The following CLMN variants were observed in gnomAD, a reference collection of about 807,000 sequenced individuals.
CLMN encodes calmin (calponin-like, transmembrane).
Under a neutral mutation model 92.7 loss-of-function variants are expected in CLMN, and 57 were observed. The observed-to-expected ratio is 0.61, with a 90% CI of 0.50 to 0.77. The LOEUF (loss-of-function observed/expected upper bound fraction) is 0.77, where lower values mean the gene tolerates loss of function less well. Among genes scored for constraint, CLMN ranks in the 30% least tolerant of loss-of-function variants. The pLI is 0.00. For missense variants in CLMN, 1,158 were observed against 1,237.5 expected (o/e 0.94, Z 0.96); for synonymous variants, 466 against 470.6 (o/e 0.99, Z 0.13).
intron 1 of CLMN, among the ~76,000 whole-genome samples, chr14:95,233,287 G>A (rs1897945972): frequency 6.6e-6 from 1 of 152,016 alleles, no homozygotes; most frequent in Non-Finnish European, 1.5e-5. Context: ...GTATCTGACA[G>A]TCTACACATA....
At position 95,189,527 on chromosome 14, in the gene CLMN, G is replaced by A. The variant is rs897517542; in HGVS notation, c.*2037C>T. ...CAAATGACTTTCAGGCATCTTGCCA[G>A]TAGATGTTTTAAACAATATTACAAG... On this transcript the variant is annotated 3_prime_UTR_variant, in exon 13 of 13. Coordinates refer to ENST00000298912, the MANE Select transcript of CLMN (RefSeq NM_024734.4). The A allele has an allele frequency of 6.6e-6, 1 of 152,142 alleles. No individual in the cohort carries two copies. The highest frequency in any genetic ancestry group is 1.5e-5 in the Non-Finnish European group (1 of 68,028). The allele number at this position is 152,142 out of a possible 1,614,324, so 9.4% of individuals were successfully genotyped here.
At chr14:95,258,282 TGTGTG>T (rs568587224) in intron 1 of CLMN, among the ~76,000 whole-genome samples, 16 of 151,004 alleles carry the variant, frequency 1.1e-4, no homozygotes, top group Middle Eastern at 3.4e-3. Flanking sequence ...TGGGGGCGTG[TGTGTG>T]GTGTGTGTGT....
chr14:95,213,071 G>GCCA, intron 6 of CLMN, 148 bp downstream of exon 6: 1 of 819,430 alleles, frequency 1.2e-6, no homozygotes, highest in Non-Finnish European at 1.8e-6. Flanking sequence ...ACAGGCATGA[G>GCCA]CCACCGCGCC....
At chr14:95,283,124 C>G (rs1900202440) in intron 1 of CLMN, among the ~76,000 whole-genome samples, 1 of 152,144 alleles carries the variant, frequency 6.6e-6, no homozygotes, top group South Asian at 2.1e-4. Context: ...TGAGAGGGAC[C>G]CAGTGGGAGG....
rs1386494336 is a variant in CLMN at position 95,308,325 on chromosome 14, T to G, written c.82+11386A>C. Among the ~76,000 whole-genome samples the G allele has an allele frequency of 3.3e-5, 5 of 152,332 alleles. No individual in the cohort carries two copies. In the East Asian group the frequency reaches 9.6e-4, roughly 29 times the overall value. ...GACATCTTGCCCAACATCCTTTAGCTGGGATCCAGTTTTCTTTCTGGGTTC... is the reference window on the plus strand; with the variant it reads ...GACATCTTGCCCAACATCCTTTAGCGGGGATCCAGTTTTCTTTCTGGGTTC... On this transcript the variant is annotated intron_variant, in intron 1 of 12. Coordinates refer to ENST00000298912, the MANE Select transcript of CLMN (RefSeq NM_024734.4).
chr14:95,312,639 A>G (rs1421183608), intron 1 of CLMN, among the ~76,000 whole-genome samples: 2 of 152,160 alleles, frequency 1.3e-5, no homozygotes, highest in Non-Finnish European at 2.9e-5. Context: ...CCAGCCTTCC[A>G]GGCCCCTATA....
chr14:95,196,721 G>C, intron 9 of CLMN, 27 bp from the exon 10 acceptor site: 1 of 1,604,870 alleles, frequency 6.2e-7, no homozygotes, highest in East Asian at 2.2e-5. Context: ...CCAAATCCAA[G>C]TCAGTATGTC....
intron 1 of CLMN, among the ~76,000 whole-genome samples, chr14:95,305,114 C>T (rs1428394714): frequency 6.6e-6 from 1 of 152,226 alleles, no homozygotes; most frequent in African/African-American, 2.4e-5. Context: ...GTCCATCACA[C>T]CCAGTGTGCG....
In CLMN at chr14:95,191,917, C is replaced by G. The variant is rs1428610556; in HGVS notation, c.2841-185G>C. The G allele has an allele frequency of 7.9e-6, 4 of 507,818 alleles. No homozygotes were observed. The highest frequency in any genetic ancestry group is 3.7e-5 in the Admixed American group (1 of 27,276). 31.5% of individuals were successfully genotyped at this position (507,818 alleles called of 1,614,324 possible). On this transcript the variant is annotated intron_variant, in intron 12 of 12. Transcript: ENST00000298912. This position sits in a 1 kb window ranked among gnomAD's most constrained non-coding sequence, Gnocchi z 5.3. ...GCCCAAGGCAGTGCGTCGGGCCATC[C>G]AGGCAGCCCCTCGAGCTTTTGCACG... is the stretch of plus-strand genomic sequence containing the variant.
In CLMN at chr14:95,185,107, TA is replaced by T. The variant is rs903329455; in HGVS notation, c.*6456del. The T allele has an allele frequency of 8.1e-5, 12 of 148,832 alleles. No individual in the cohort carries two copies. The highest frequency in any genetic ancestry group is 2.1e-4 in the South Asian group (1 of 4,704). The allele number at this position is 148,832 out of a possible 1,614,324, so 9.2% of individuals were successfully genotyped here. A position where few individuals can be genotyped will look rare whatever the true frequency, so the allele number is the denominator to read the frequency against. On this transcript the variant is annotated 3_prime_UTR_variant, in exon 13 of 13. Coordinates refer to ENST00000298912, the MANE Select transcript of CLMN (RefSeq NM_024734.4). ...GGTGACAGAGTAAGATGCTGTCTCT[TA>T]AAAAAAAAATCAGAGTGAAGAGGGC...
intron 1 of CLMN, among the ~76,000 whole-genome samples, chr14:95,301,527 A>G (rs891613071): frequency 1.4e-4 from 21 of 152,094 alleles, no homozygotes; most frequent in Admixed American, 1.2e-3. Flanking sequence ...AGCCTAGGCC[A>G]TGTCCACAGG....
At chr14:95,269,660 G>A (rs1471128101) in intron 1 of CLMN, among the ~76,000 whole-genome samples, 2 of 152,184 alleles carry the variant, frequency 1.3e-5, no homozygotes, top group African/African-American at 4.8e-5. Context: ...CTCCTTCCTG[G>A]ATGCCCAAGC....
At chr14:95,241,233 T>C (rs1595612939) in intron 1 of CLMN, among the ~76,000 whole-genome samples, 2 of 152,100 alleles carry the variant, frequency 1.3e-5, no homozygotes, top group African/African-American at 4.8e-5. Context: ...TGATCTAGTA[T>C]TATGGTGACC....
Position 95,253,524 on chromosome 14 carries a change from A to G in CLMN, c.83-23391T>C, listed in dbSNP as rs866998771. ...ATCAAGTCTCGCATGCAGGGAATGC[A>G]GGGAGATGGAGGACAGTGTCACCTA... On this transcript the variant is annotated intron_variant, in intron 1 of 12. Coordinates refer to ENST00000298912, the MANE Select transcript of CLMN (RefSeq NM_024734.4). Among the ~76,000 whole-genome samples the G allele has an allele frequency of 3.4e-4, 52 of 152,282 alleles. 1 individual carries two copies. The highest frequency in any genetic ancestry group is 3.4e-3 in the Middle Eastern group (1 of 294).
chr14:95,305,712 G>C (rs1901248750), intron 1 of CLMN, among the ~76,000 whole-genome samples: 1 of 152,172 alleles, frequency 6.6e-6, no homozygotes, highest in South Asian at 2.1e-4. Context: ...CAGCATAATG[G>C]ATGAAAAGAG....
chr14:95,239,682 C>T (rs1416640344), intron 1 of CLMN, among the ~76,000 whole-genome samples: 2 of 152,226 alleles, frequency 1.3e-5, no homozygotes, highest in Non-Finnish European at 2.9e-5. Context: ...TGCCCCCTTG[C>T]ATCATTTATG....
At chr14:95,220,417 T>TC (rs1897497151) in intron 4 of CLMN, among the ~76,000 whole-genome samples, 1 of 152,162 alleles carries the variant, frequency 6.6e-6, no homozygotes, top group African/African-American at 2.4e-5. Context: ...CCTCAGGTGA[T>TC]CCACCCGCCT....
intron 9 of CLMN, among the ~76,000 whole-genome samples, chr14:95,198,752 T>C (rs1896794577): frequency 6.6e-6 from 1 of 152,174 alleles, no homozygotes; most frequent in Non-Finnish European, 1.5e-5. Flanking sequence ...GCAAATCACC[T>C]GTCCAAGTGC....
intron 4 of CLMN, among the ~76,000 whole-genome samples, chr14:95,217,617 C>G (rs1168725540): frequency 6.6e-6 from 1 of 152,236 alleles, no homozygotes; most frequent in East Asian, 1.9e-4. Context: ...CTCGCCTGCT[C>G]GTCTCCTAAG....
Sources: allele counts gnomAD v4.1 joint callset (sites outside exome capture counted in the v4.1 genomes callset), GRCh38; gene constraint gnomAD v4.1.1; non-coding constraint Gnocchi (gnomAD v3.1); transcripts MANE v1.5; gene names NCBI Gene and HGNC (gene_info 2026-07-23, HGNC 2026-07-21).